ALK: variants seen among roughly 807,000 people sequenced by gnomAD.
ALK encodes the protein ALK tyrosine kinase receptor.
A neutral mutation model predicts 163.1 loss-of-function variants in ALK; 74 were observed. The observed-to-expected ratio is 0.45, with a 90% CI of 0.38 to 0.55. ALK has a LOEUF of 0.55. Ranked by LOEUF, ALK falls within the 20% of genes least tolerant of loss-of-function variation. The pLI is 0.00. For missense variants in ALK, 2,063 were observed against 2,105.3 expected (o/e 0.98, Z 0.39); for synonymous variants, 960 against 843.2 (o/e 1.14, Z -2.40).
At chr2:29,805,639 C>T (rs1664590050) in intron 1 of ALK, among the ~76,000 whole-genome samples, 1 of 152,140 alleles carries the variant, frequency 6.6e-6, no homozygotes. Flanking sequence ...TAATGGCTTC[C>T]AGTTCCATCC....
chr2:29,478,958 G>A (rs921808931), intron 4 of ALK, among the ~76,000 whole-genome samples: 1 of 110,592 alleles, frequency 9.0e-6, no homozygotes, highest in African/African-American at 2.7e-5. Flanking sequence ...TTCTGGCCCT[G>A]CAAAGAATAG....
At chr2:29,853,469 G>A (rs1217200161) in intron 1 of ALK, among the ~76,000 whole-genome samples, 2 of 152,076 alleles carry the variant, frequency 1.3e-5, no homozygotes, top group Non-Finnish European at 2.9e-5. Flanking sequence ...CTCCAGACAA[G>A]ATCCCAGGCC....
chr2:29,480,709 G>A (rs1287654678), intron 4 of ALK, among the ~76,000 whole-genome samples: 2 of 150,860 alleles, frequency 1.3e-5, no homozygotes, highest in East Asian at 1.9e-4. Context: ...GCTGGCTCAG[G>A]CCGGGGGCTA....
At chr2:29,304,178 T>A (rs1452680614) in intron 8 of ALK, among the ~76,000 whole-genome samples, 2 of 152,200 alleles carry the variant, frequency 1.3e-5, no homozygotes, top group Admixed American at 1.3e-4. Flanking sequence ...ACTGGTAGCA[T>A]CAGTGTTACC....
At chr2:29,342,520 C>G (rs909136964) in intron 5 of ALK, among the ~76,000 whole-genome samples, 1 of 152,132 alleles carries the variant, frequency 6.6e-6, no homozygotes, top group Admixed American at 6.5e-5. Flanking sequence ...ATTGGTTGCA[C>G]AGTAATGTTG....
intron 1 of ALK, among the ~76,000 whole-genome samples, chr2:29,835,653 G>A (rs554598880): frequency 5.9e-5 from 9 of 152,268 alleles, no homozygotes; most frequent in African/African-American, 1.2e-4. Flanking sequence ...ATGGTAGCTC[G>A]CATAATTCCC....
chr2:29,806,454 G>A (rs977698972), intron 1 of ALK, among the ~76,000 whole-genome samples: 5 of 152,176 alleles, frequency 3.3e-5, no homozygotes, highest in Admixed American at 6.5e-5. Flanking sequence ...AGAAGCTACC[G>A]TTAAACAATT....
chr2:29,297,278 T>C lies in ALK; in HGVS notation c.1648-221A>G, dbSNP rs561603967. ...GAACGAATCTGTTAATTTTTTTTCT[T>C]GGGCAGGGACAACTGATGGGCAGTT... On this transcript the variant is annotated intron_variant, in intron 8 of 28. Transcript: ENST00000389048. Among the ~76,000 whole-genome samples, 12 of 152,328 alleles carry C rather than the reference T, an allele frequency of 7.9e-5. No homozygotes were observed. In the South Asian group the frequency reaches 2.1e-3, roughly 26 times the overall value.
At position 29,602,590 on chromosome 2, in the gene ALK, C is replaced by T. The variant is rs144274600; in HGVS notation, c.953-70474G>A. ...AGAACAAGATCTGGAAACCACAATG[C>T]CTGACTACCAGACACAGAGGGTCCT... On this transcript the variant is annotated intron_variant, in intron 3 of 28. Coordinates refer to ENST00000389048, the MANE Select transcript of ALK (RefSeq NM_004304.5). Among the ~76,000 whole-genome samples, 1,055 of 152,240 alleles carry T rather than the reference C, an allele frequency of 6.9e-3. 12 individuals are homozygous for T. Among genetic ancestry groups the T allele is most frequent in the South Asian group, 0.043 (209 of 4,814 alleles).
chr2:29,446,199 A>C (rs1390436155), intron 4 of ALK, among the ~76,000 whole-genome samples: 1 of 151,866 alleles, frequency 6.6e-6, no homozygotes, highest in African/African-American at 2.4e-5. Flanking sequence ...AAAACACAAC[A>C]ACCAGCAAAT....
intron 4 of ALK, among the ~76,000 whole-genome samples, chr2:29,405,120 C>G (rs1001576615): frequency 6.6e-6 from 1 of 152,206 alleles, no homozygotes; most frequent in Non-Finnish European, 1.5e-5. Flanking sequence ...AATGACGTGA[C>G]TCTGGGGACT....
At chr2:29,553,218 TA>T (rs1428064559) in intron 3 of ALK, among the ~76,000 whole-genome samples, 1 of 152,110 alleles carries the variant, frequency 6.6e-6, no homozygotes, top group African/African-American at 2.4e-5. Context: ...TAGTGCCTTG[TA>T]AAAAGGCTGG....
intron 4 of ALK, among the ~76,000 whole-genome samples, chr2:29,384,684 T>C (rs946650875): frequency 2.0e-5 from 3 of 152,128 alleles, no homozygotes; most frequent in Admixed American, 2.0e-4. Flanking sequence ...ATTTACTTAC[T>C]TATTTTGAGT....
chr2:29,834,570 A>G (rs192743029), intron 1 of ALK, among the ~76,000 whole-genome samples: 1 of 152,348 alleles, frequency 6.6e-6, no homozygotes, highest in African/African-American at 2.4e-5. Context: ...TAATGCCAAT[A>G]TAATAGACAT....
intron 3 of ALK, among the ~76,000 whole-genome samples, chr2:29,675,763 T>G (rs146957347): frequency 1.3e-5 from 2 of 152,200 alleles, no homozygotes; most frequent in African/African-American, 4.8e-5. Flanking sequence ...CTGCTGTTCA[T>G]TGATTATTTC....
intron 24 of ALK, 91 bp downstream of exon 24, chr2:29,213,893 C>G (rs2148158987): frequency 8.9e-7 from 1 of 1,118,266 alleles, no homozygotes; most frequent in Non-Finnish European, 1.4e-6. Context: ...GTATTCTGCT[C>G]TGAAGGGGGA....
At chr2:29,873,318 G>A (rs904338862) in intron 1 of ALK, among the ~76,000 whole-genome samples, 1 of 152,212 alleles carries the variant, frequency 6.6e-6, no homozygotes, top group Non-Finnish European at 1.5e-5. Flanking sequence ...AATGACATTT[G>A]TAGGGGGTGG....
intron 4 of ALK, among the ~76,000 whole-genome samples, chr2:29,477,108 G>A (rs1434920403): frequency 6.6e-6 from 1 of 152,194 alleles, no homozygotes; most frequent in African/African-American, 2.4e-5. Context: ...CCACGAGGGA[G>A]AGTTGAGCTG....
At chr2:29,265,522 C>T (rs1388500475) in intron 11 of ALK, among the ~76,000 whole-genome samples, 2 of 152,164 alleles carry the variant, frequency 1.3e-5, no homozygotes, top group African/African-American at 2.4e-5. Flanking sequence ...TTCTGATTCT[C>T]AGTTAGGTTG....
Sources: allele counts gnomAD v4.1 joint callset (sites outside exome capture counted in the v4.1 genomes callset), GRCh38; gene constraint gnomAD v4.1.1; transcripts MANE v1.5; gene names NCBI Gene and HGNC (gene_info 2026-07-23, HGNC 2026-07-21).